The following SGCD variants were observed in gnomAD, a reference collection of about 807,000 sequenced individuals.
SGCD encodes the protein sarcoglycan delta, also known as delta-sarcoglycan.
A neutral mutation model predicts 36.6 loss-of-function variants in SGCD; 18 were observed. That is an observed-to-expected ratio of 0.49 (90% CI 0.34 to 0.73). The LOEUF is 0.73. Ranked by LOEUF, SGCD falls within the 30% of genes least tolerant of loss-of-function variation. The pLI is 0.01. For missense variants in SGCD, 387 were observed against 346.7 expected (o/e 1.12, Z -0.92); for synonymous variants, 133 against 130.6 (o/e 1.02, Z -0.12).
chr5:156,506,118 A>G (rs1561742058), intron 3 of SGCD, among the ~76,000 whole-genome samples: 1 of 152,184 alleles, frequency 6.6e-6, no homozygotes, highest in African/African-American at 2.4e-5. Flanking sequence ...CAAATTTTAC[A>G]TTGATTTTTA....
At chr5:156,286,047 T>G (rs1158885466) in intron 3 of SGCD, among the ~76,000 whole-genome samples, 2 of 152,178 alleles carry the variant, frequency 1.3e-5, no homozygotes, top group Non-Finnish European at 2.9e-5. Flanking sequence ...AGAAGACATT[T>G]ATGCAGCCAA....
chr5:155,840,729 A>G, the SGCD span, among the ~76,000 whole-genome samples: 1 of 151,296 alleles, frequency 6.6e-6, no homozygotes, highest in Admixed American at 6.6e-5. Flanking sequence ...ATCAAGACAC[A>G]GGCCGGGAGT....
the SGCD span, among the ~76,000 whole-genome samples, chr5:155,770,846 T>C: frequency 6.6e-6 from 1 of 152,150 alleles, no homozygotes; most frequent in Non-Finnish European, 1.5e-5. Context: ...AAAGGTAACT[T>C]TCTTAGTAAT....
chr5:155,975,007 A>G (rs188866249), intron 1 of SGCD, among the ~76,000 whole-genome samples: 1 of 152,232 alleles, frequency 6.6e-6, no homozygotes, highest in East Asian at 1.9e-4. Context: ...CCTCCTTCCC[A>G]TAGTTTCTGT....
chr5:156,630,155 G>A (rs962284640), intron 6 of SGCD, among the ~76,000 whole-genome samples: 10 of 152,102 alleles, frequency 6.6e-5, no homozygotes, highest in African/African-American at 1.4e-4. Context: ...GAGTCACCAC[G>A]CCTGGCCCTA....
intron 3 of SGCD, among the ~76,000 whole-genome samples, chr5:156,427,567 T>C (rs1442913042): frequency 2.6e-5 from 4 of 152,120 alleles, no homozygotes; most frequent in Admixed American, 2.6e-4. Context: ...GGACTTTCAG[T>C]ACCATGAAGA....
chr5:155,777,179 G>C, the SGCD span, among the ~76,000 whole-genome samples: 1 of 152,014 alleles, frequency 6.6e-6, no homozygotes, highest in African/African-American at 2.4e-5. Context: ...TTTAGAATAG[G>C]TCTTTCATGG....
intron 6 of SGCD, among the ~76,000 whole-genome samples, chr5:156,596,545 G>A (rs1280592710): frequency 6.6e-6 from 1 of 152,094 alleles, no homozygotes; most frequent in East Asian, 1.9e-4. Context: ...ACGTTTACCT[G>A]AAATTATATT....
At chr5:156,174,034 A>C (rs1245740960) in intron 3 of SGCD, among the ~76,000 whole-genome samples, 1 of 152,196 alleles carries the variant, frequency 6.6e-6, no homozygotes, top group African/African-American at 2.4e-5. Flanking sequence ...CTCATTGTAA[A>C]GTATACAGAT....
At chr5:155,914,466 C>A (rs1468923507) in intron 1 of SGCD, among the ~76,000 whole-genome samples, 2 of 152,130 alleles carry the variant, frequency 1.3e-5, no homozygotes, top group Non-Finnish European at 2.9e-5. Flanking sequence ...GCTGGCTCTT[C>A]CCAGTACTAG....
chr5:156,098,647 C>A (rs1278187181), intron 1 of SGCD, among the ~76,000 whole-genome samples: 5 of 151,754 alleles, frequency 3.3e-5, no homozygotes, highest in Non-Finnish European at 7.4e-5. Context: ...TATACACACA[C>A]ACACACACAC....
At chr5:155,753,339 A>AT in the SGCD span, among the ~76,000 whole-genome samples, 1 of 151,026 alleles carries the variant, frequency 6.6e-6, no homozygotes, top group Non-Finnish European at 1.5e-5. Flanking sequence ...TTGTCTAAAA[A>AT]AAAAAGAAAG....
intron 1 of SGCD, among the ~76,000 whole-genome samples, chr5:155,894,852 C>T (rs1047517826): frequency 7.9e-5 from 12 of 152,188 alleles, no homozygotes; most frequent in Middle Eastern, 3.4e-3. Flanking sequence ...TTATATATTA[C>T]AATGTAATAA....
intron 3 of SGCD, among the ~76,000 whole-genome samples, chr5:156,241,483 C>T (rs1269621436): frequency 6.6e-6 from 1 of 152,136 alleles, no homozygotes; most frequent in Non-Finnish European, 1.5e-5. Flanking sequence ...TTACCAAGAA[C>T]ATGTATGCAT....
chr5:156,026,299 G>T (rs1200443523), intron 1 of SGCD, among the ~76,000 whole-genome samples: 2 of 152,182 alleles, frequency 1.3e-5, no homozygotes, highest in African/African-American at 2.4e-5. Flanking sequence ...CAATGTTACA[G>T]TGTATTGGAG....
At chr5:156,465,785 A>G (rs892609629) in intron 3 of SGCD, among the ~76,000 whole-genome samples, 1 of 152,226 alleles carries the variant, frequency 6.6e-6, no homozygotes, top group African/African-American at 2.4e-5. Flanking sequence ...GGGAAGTTGG[A>G]TAGAGATTTG....
intron 3 of SGCD, among the ~76,000 whole-genome samples, chr5:156,350,392 T>C (rs1363495015): frequency 6.6e-6 from 1 of 151,748 alleles, no homozygotes; most frequent in Non-Finnish European, 1.5e-5. Flanking sequence ...AATGACGAAC[T>C]ATAAGAACGA....
chr5:156,560,242 A>T (rs1325041055), intron 4 of SGCD, among the ~76,000 whole-genome samples: 1 of 152,218 alleles, frequency 6.6e-6, no homozygotes, highest in Non-Finnish European at 1.5e-5. Context: ...ACATGCTGTA[A>T]TGAGATTTCT....
chr5:156,102,280 A>G (rs1254927073), intron 1 of SGCD, among the ~76,000 whole-genome samples: 1 of 152,128 alleles, frequency 6.6e-6, no homozygotes, highest in South Asian at 2.1e-4. Context: ...TTAAAACATC[A>G]TCTGTTTTAT....
Sources: gnomAD v4.1 joint callset for allele counts (sites outside exome capture counted in the v4.1 genomes callset) on GRCh38, gnomAD v4.1.1 for gene constraint, MANE v1.5 for transcripts, NCBI Gene and HGNC (gene_info 2026-07-23, HGNC 2026-07-21) for gene names.